The following CCDC112 variants were observed in gnomAD, a reference collection of about 807,000 sequenced individuals.
CCDC112 encodes coiled-coil domain-containing protein 112.
A neutral mutation model predicts 66.3 loss-of-function variants in CCDC112; 40 were observed. The ratio of observed to expected loss-of-function variants is 0.60; its 90% CI spans 0.47 to 0.79. CCDC112 has a LOEUF of 0.79. Among genes scored for constraint, CCDC112 ranks in the 30% least tolerant of loss-of-function variants. CCDC112 has a pLI of 0.00. For synonymous variants in CCDC112, 214 were observed against 197.2 expected (o/e 1.09, Z -0.71); for missense variants, 659 against 603.8 (o/e 1.09, Z -0.96).
intron 1 of CCDC112, among the ~76,000 whole-genome samples, chr5:115,290,851 CTTGT>C (rs944633083): frequency 6.6e-5 from 10 of 151,896 alleles, no homozygotes; most frequent in African/African-American, 2.2e-4. Context: ...CCTTGCTGTA[CTTGT>C]TTATTAGTTT....
At chr5:115,275,147 T>C (rs1749149942) in intron 6 of CCDC112, 69 bp downstream of exon 6, 5 of 1,152,748 alleles carry the variant, frequency 4.3e-6, no homozygotes, top group Non-Finnish European at 6.1e-6. Context: ...TAATGAGACA[T>C]GTTAAGTGTT....
intron 1 of CCDC112, among the ~76,000 whole-genome samples, chr5:115,285,867 T>C (rs1467774996): frequency 6.6e-6 from 1 of 152,070 alleles, no homozygotes; most frequent in African/African-American, 2.4e-5. Context: ...CCAGGACTAC[T>C]GGGCTGACAG....
At chr5:115,296,379 C>T (rs1218600201) in intron 1 of CCDC112, 48 bp downstream of exon 1, 2 of 1,536,270 alleles carry the variant, frequency 1.3e-6, no homozygotes, top group Non-Finnish European at 1.7e-6. Flanking sequence ...CCAGGGCCTG[C>T]AGCCCCTCGC....
chr5:115,271,440 T>A lies in CCDC112; in HGVS notation c.1105A>T (p.Met369Leu). The part of the protein sequence containing the change: ...EAWKKQKSIE[M>L]SMKCASQLKE... Reference sequence around the variant, plus strand: ...AACTGGGAAGCACATTTCATTGACATTTCTATACTTTTCTGTTTCTTCCAA... The same window carrying A: ...AACTGGGAAGCACATTTCATTGACAATTCTATACTTTTCTGTTTCTTCCAA... Residue 369 changes from methionine (M) to leucine (L), a missense_variant, in exon 7 of 10, where the codon ATG (methionine) becomes TTG (leucine). By Grantham distance (15) the Met-to-Leu change is conservative. Coordinates refer to ENST00000379611, the MANE Select transcript of CCDC112 (RefSeq NM_001040440.3). The A allele has an allele frequency of 3.1e-6, 5 of 1,611,368 alleles. No homozygotes were observed. The highest frequency in any genetic ancestry group is 4.2e-6 in the Non-Finnish European group (5 of 1,179,448).
chr5:115,287,523 T>A (rs951183174), intron 1 of CCDC112, among the ~76,000 whole-genome samples: 1 of 152,094 alleles, frequency 6.6e-6, no homozygotes, highest in African/African-American at 2.4e-5. Flanking sequence ...AAAATGAAAC[T>A]TTGAGGAAAG....
At chr5:115,276,751 A>C (rs1284978400) in intron 4 of CCDC112, among the ~76,000 whole-genome samples, 1 of 152,158 alleles carries the variant, frequency 6.6e-6, no homozygotes, top group East Asian at 1.9e-4. Flanking sequence ...TACACACAGA[A>C]ATGCCCGATT....
chr5:115,288,856 C>A (rs908294591), intron 1 of CCDC112, among the ~76,000 whole-genome samples: 1 of 152,136 alleles, frequency 6.6e-6, no homozygotes, highest in Non-Finnish European at 1.5e-5. Flanking sequence ...GGGATTCCCT[C>A]CTTCTTAAAA....
chr5:115,277,065 G>A lies in CCDC112; in HGVS notation c.362-11C>T. On this transcript the variant is annotated splice_polypyrimidine_tract_variant and intron_variant, in intron 3 of 9. Coordinates refer to ENST00000379611, the MANE Select transcript of CCDC112 (RefSeq NM_001040440.3). ...GCTGGATTTTTGCTCCTATAAGAAA[G>A]AAGTATGCACTTTAAAATAATTCTG... The A allele has an allele frequency of 6.8e-7, 1 of 1,477,084 alleles. No homozygotes were observed. The highest frequency in any genetic ancestry group is 1.1e-5 in the South Asian group (1 of 87,818). The allele number at this position is 1,477,084 out of a possible 1,614,324, so 91.5% of individuals were successfully genotyped here.
At chr5:115,279,510 G>A (rs974571426) in intron 3 of CCDC112, 137 bp downstream of exon 3, 83 of 861,800 alleles carry the variant, frequency 9.6e-5, no homozygotes, top group Non-Finnish European at 1.4e-4. Flanking sequence ...AAAATACAGA[G>A]AATATAACAC....
chr5:115,295,886 C>T (rs1422163430), intron 1 of CCDC112: 1 of 985,342 alleles, frequency 1.0e-6, no homozygotes, highest in African/African-American at 1.7e-5. Context: ...TCTCGCTGAG[C>T]TGATAACATC....
At chr5:115,275,738 C>T (rs1431753299) in intron 5 of CCDC112, 132 bp from the exon 6 acceptor site, 1 of 748,646 alleles carries the variant, frequency 1.3e-6, no homozygotes, top group Non-Finnish European at 2.0e-6. Flanking sequence ...TAAATTTAAG[C>T]CTTAAAAGAG....
At chr5:115,279,091 T>C (rs565901073) in intron 3 of CCDC112, among the ~76,000 whole-genome samples, 34 of 152,288 alleles carry the variant, frequency 2.2e-4, no homozygotes, top group Admixed American at 1.2e-3. Context: ...GTACAATCTA[T>C]CTATAAGGTA....
In CCDC112 at chr5:115,293,715, A is replaced by T. The variant is rs1294296415; in HGVS notation, c.117+2712T>A. Among the ~76,000 whole-genome samples the T allele has an allele frequency of 2.0e-5, 3 of 152,292 alleles. 1 individual carries two copies. The highest frequency in any genetic ancestry group is 6.5e-5 in the Admixed American group (1 of 15,306). ...TCCACTCAGATAATTAAGGTATTTA[A>T]TTTATCTTAATCACACCTGCAAAGT... On this transcript the variant is annotated intron_variant, in intron 1 of 9. Transcript: ENST00000379611.
At chr5:115,285,013 T>A in intron 1 of CCDC112, 105 bp from the exon 2 acceptor site, 1 of 1,052,814 alleles carries the variant, frequency 9.5e-7, no homozygotes, top group East Asian at 2.4e-5. Flanking sequence ...TCTTGAAGGA[T>A]AATTTTGGGG....
At chr5:115,295,077 G>C (rs935989518) in intron 1 of CCDC112, among the ~76,000 whole-genome samples, 1 of 152,026 alleles carries the variant, frequency 6.6e-6, no homozygotes, top group African/African-American at 2.4e-5. Context: ...TTAGATGCTA[G>C]CAGCCCCTCA....
intron 8 of CCDC112, among the ~76,000 whole-genome samples, chr5:115,269,436 T>C (rs1748907059): frequency 6.6e-6 from 1 of 152,154 alleles, no homozygotes; most frequent in East Asian, 1.9e-4. Flanking sequence ...TAAAGGTTCA[T>C]ATAGAAACAA....
intron 3 of CCDC112, 163 bp from the exon 4 acceptor site, chr5:115,277,217 T>C (rs1358686010): frequency 1.9e-6 from 1 of 516,880 alleles, no homozygotes; most frequent in Non-Finnish European, 3.4e-6. Context: ...GTACCTTTGT[T>C]CTAAATAAAG....
chr5:115,279,346 T>G (rs1038457449), intron 3 of CCDC112, among the ~76,000 whole-genome samples: 1 of 144,410 alleles, frequency 6.9e-6, no homozygotes, highest in Non-Finnish European at 1.5e-5. Context: ...GAAATTTTAA[T>G]AGAATTTGGT....
At chr5:115,267,987 T>G in intron 9 of CCDC112, 69 bp from the exon 10 acceptor site, 1 of 1,230,504 alleles carries the variant, frequency 8.1e-7, no homozygotes, top group South Asian at 1.2e-5. Flanking sequence ...CCTATCTGAT[T>G]AAGTGCTAAC....
Sources: gnomAD v4.1 joint callset for allele counts (sites outside exome capture counted in the v4.1 genomes callset) on GRCh38, gnomAD v4.1.1 for gene constraint, MANE v1.5 for transcripts, NCBI Gene and HGNC (gene_info 2026-07-23, HGNC 2026-07-21) for gene names.